Variants in ACTR3C observed in about 807,000 individuals in gnomAD.
ACTR3C encodes actin-related protein 3C.
ACTR3C carries 18 observed loss-of-function variants against 26.3 expected under a neutral mutation model. The observed-to-expected ratio is 0.68, with a 90% CI of 0.47 to 1.01. ACTR3C has a LOEUF of 1.01. Ranked by LOEUF, ACTR3C falls within the 50% of genes least tolerant of loss-of-function variation. ACTR3C has a pLI of 0.00. For synonymous variants in ACTR3C, 55 were observed against 94.5 expected (o/e 0.58, Z 2.42); for missense variants, 184 against 250.7 (o/e 0.73, Z 1.80).
chr7:149,983,820 T>C, the ACTR3C span, among the ~76,000 whole-genome samples: 2 of 152,120 alleles, frequency 1.3e-5, no homozygotes, highest in Non-Finnish European at 2.9e-5. Context: ...TCCTGCCATA[T>C]GCAAAAACAT....
chr7:149,980,202 C>G, the ACTR3C span, among the ~76,000 whole-genome samples: 2 of 152,112 alleles, frequency 1.3e-5, no homozygotes, highest in African/African-American at 2.4e-5. Flanking sequence ...GTAGATTGGT[C>G]AAATATGTAA....
the ACTR3C span, among the ~76,000 whole-genome samples, chr7:150,140,745 A>G: frequency 2.0e-5 from 3 of 152,268 alleles, no homozygotes; most frequent in African/African-American, 7.2e-5. Context: ...TGAAAGGAAG[A>G]GTCACACATC....
intron 3 of ACTR3C, among the ~76,000 whole-genome samples, chr7:150,292,604 G>C (rs1836362526): frequency 6.6e-6 from 1 of 151,044 alleles, no homozygotes; most frequent in Non-Finnish European, 1.5e-5. Flanking sequence ...GGGTTCAAGC[G>C]ATTCTCCTGC....
At chr7:150,003,234 T>C in the ACTR3C span, among the ~76,000 whole-genome samples, 1 of 152,212 alleles carries the variant, frequency 6.6e-6, no homozygotes, top group East Asian at 1.9e-4. Context: ...ATGGTGTATG[T>C]GGTGTTTGCA....
chr7:149,888,503 T>C, the ACTR3C span, among the ~76,000 whole-genome samples: 1 of 152,256 alleles, frequency 6.6e-6, no homozygotes, highest in Admixed American at 6.5e-5. Context: ...GACATTTCGG[T>C]TTCCACTTCT....
At chr7:149,991,513 C>G in the ACTR3C span, among the ~76,000 whole-genome samples, 1 of 152,278 alleles carries the variant, frequency 6.6e-6, no homozygotes, top group East Asian at 1.9e-4. Flanking sequence ...GCCTGGAATC[C>G]CAGGCTAGTT....
At chr7:150,072,625 G>T in the ACTR3C span, among the ~76,000 whole-genome samples, 1 of 151,052 alleles carries the variant, frequency 6.6e-6, no homozygotes, top group African/African-American at 2.4e-5. Flanking sequence ...CCATGCAGTG[G>T]TCTGTGGACT....
the ACTR3C span, among the ~76,000 whole-genome samples, chr7:150,058,921 AAAAC>A: frequency 2.0e-5 from 3 of 152,004 alleles, no homozygotes; most frequent in Non-Finnish European, 4.4e-5. Context: ...CTGCCTCAAA[AAAAC>A]AAACAAAAAA....
chr7:150,284,604 C>T (rs1835618973), intron 6 of ACTR3C, 149 bp downstream of exon 6: 1 of 653,408 alleles, frequency 1.5e-6, no homozygotes, highest in Non-Finnish European at 2.3e-6. Context: ...TCCATTTTCT[C>T]TTACAATTAT....
At position 150,267,849 on chromosome 7, in the gene ACTR3C, G is replaced by A. The variant is rs527343401; in HGVS notation, c.564+16904C>T. Among the ~76,000 whole-genome samples the A allele has an allele frequency of 2.6e-5, 4 of 152,242 alleles. No individual in the cohort carries two copies. In the East Asian group the frequency reaches 7.7e-4, roughly 29 times the overall value. Reference sequence around the variant, plus strand: ...GCAGATGGGTGCCTTCCTGGAGCAGGGGCTGAGGAACTTCTGCCAGCGATG... The same window carrying A: ...GCAGATGGGTGCCTTCCTGGAGCAGAGGCTGAGGAACTTCTGCCAGCGATG... On this transcript the variant is annotated intron_variant, in intron 6 of 7. Coordinates refer to ENST00000683684, the MANE Select transcript of ACTR3C (RefSeq NM_001164458.2).
chr7:150,037,664 A>T, the ACTR3C span, among the ~76,000 whole-genome samples: 3 of 105,030 alleles, frequency 2.9e-5, no homozygotes, highest in Non-Finnish European at 6.0e-5. Context: ...ACTAACACCC[A>T]CAGTCCTCCA....
At chr7:149,972,132 C>G in the ACTR3C span, among the ~76,000 whole-genome samples, 1 of 152,188 alleles carries the variant, frequency 6.6e-6, no homozygotes, top group South Asian at 2.1e-4. Context: ...CACGGATCTC[C>G]CAGCTTCACC....
the ACTR3C span, among the ~76,000 whole-genome samples, chr7:150,179,625 G>A: frequency 6.7e-6 from 1 of 149,244 alleles, no homozygotes; most frequent in East Asian, 2.0e-4. Context: ...AGCTAGACTA[G>A]AGGGGCGTAC....
At chr7:150,300,223 T>C (rs977556479) in intron 1 of ACTR3C, among the ~76,000 whole-genome samples, 1 of 151,924 alleles carries the variant, frequency 6.6e-6, no homozygotes, top group Non-Finnish European at 1.5e-5. Context: ...TGGTGGCACA[T>C]ACCTGTAGTC....
the ACTR3C span, among the ~76,000 whole-genome samples, chr7:149,948,005 T>C: frequency 6.6e-6 from 1 of 151,046 alleles, no homozygotes; most frequent in African/African-American, 2.5e-5. Context: ...ATCACTTGTA[T>C]CATCCTGATT....
At chr7:150,149,029 G>A in the ACTR3C span, among the ~76,000 whole-genome samples, 9 of 142,702 alleles carry the variant, frequency 6.3e-5, 1 homozygote, top group African/African-American at 2.3e-4. Context: ...ATAAAACGAT[G>A]TCTCTCTTCA....
chr7:150,047,142 G>C, the ACTR3C span, among the ~76,000 whole-genome samples: 1 of 151,804 alleles, frequency 6.6e-6, no homozygotes, highest in African/African-American at 2.4e-5. Context: ...AGAGTGAGTA[G>C]GAGAGGAGGG....
the ACTR3C span, among the ~76,000 whole-genome samples, chr7:150,150,279 A>G: frequency 6.6e-6 from 1 of 152,208 alleles, no homozygotes; most frequent in Non-Finnish European, 1.5e-5. Context: ...CCATATGGGT[A>G]AGCCATGCAT....
chr7:150,144,642 A>G, the ACTR3C span, among the ~76,000 whole-genome samples: 2 of 152,232 alleles, frequency 1.3e-5, no homozygotes, highest in African/African-American at 4.8e-5. The surrounding 1 kb of genome is among the most constrained non-coding windows in gnomAD (Gnocchi z 4.6). Flanking sequence ...TTTAATAATC[A>G]TACCATCTCT....
Sources: allele counts gnomAD v4.1 joint callset (sites outside exome capture counted in the v4.1 genomes callset), GRCh38; gene constraint gnomAD v4.1.1; non-coding constraint Gnocchi (gnomAD v3.1); transcripts MANE v1.5; gene names NCBI Gene and HGNC (gene_info 2026-07-23, HGNC 2026-07-21).